The following CCDC134 variants were observed in gnomAD, a reference collection of about 807,000 sequenced individuals.
CCDC134 encodes the protein coiled-coil domain containing 134, also known as coiled-coil domain-containing protein 134.
In CCDC134, 27 loss-of-function variants were observed where a neutral mutation model predicts 25.6. The ratio of observed to expected loss-of-function variants is 1.05; its 90% CI spans 0.78 to 1.45. The LOEUF (loss-of-function observed/expected upper bound fraction) is 1.45, where lower values mean the gene tolerates loss of function less well. CCDC134 is among the 40% of genes most tolerant of loss of function. The probability of loss-of-function intolerance (pLI) is 0.00; values close to 1 mark genes in which losing one functional copy is unlikely to be tolerated. For synonymous variants in CCDC134, 110 were observed against 115.0 expected (o/e 0.96, Z 0.28); for missense variants, 261 against 286.7 (o/e 0.91, Z 0.65).
chr22:41,822,824 C>T (rs60659442), intron 6 of CCDC134, among the ~76,000 whole-genome samples: 9,738 of 152,250 alleles, frequency 0.064, 1,007 homozygotes, highest in African/African-American at 0.22. Flanking sequence ...GCCTGCAAGG[C>T]TAGTCCTAGT....
chr22:41,802,496 A>G (rs562555739), intron 1 of CCDC134, among the ~76,000 whole-genome samples: 1 of 152,312 alleles, frequency 6.6e-6, no homozygotes, highest in Non-Finnish European at 1.5e-5. Flanking sequence ...AGGGAGTATC[A>G]CTTGAGTCCA....
At position 41,826,149 on chromosome 22, in the gene CCDC134, G is replaced by A. The variant is rs971360020; in HGVS notation, c.*326G>A. 4.8e-5 allele frequency: 11 copies of A among 231,184 alleles called. No individual in the cohort carries two copies. The highest frequency in any genetic ancestry group is 8.7e-5 in the Non-Finnish European group (10 of 114,922). 14.3% of individuals were successfully genotyped at this position (231,184 alleles called of 1,614,324 possible). ...GAAGACCTCTGGCCAGCTGGCTTCC[G>A]CCCTTGGTGGGGAAGCAGCAGAACT... On this transcript the variant is annotated 3_prime_UTR_variant, in exon 7 of 7. Transcript: ENST00000255784.
rs1363727046 is a variant in CCDC134, at chr22:41,810,375, T to G, written c.310+84T>G. 3.7e-6 allele frequency: 5 copies of G among 1,346,746 alleles called. No individual in the cohort carries two copies. In the African/African-American group the frequency reaches 5.8e-5, roughly 16 times the overall value. The allele number at this position is 1,346,746 out of a possible 1,614,324, so 83.4% of individuals were successfully genotyped here. A position where few individuals can be genotyped will look rare whatever the true frequency, so the allele number is the denominator to read the frequency against. ...CTTCTCTCCTGTTCTTGTCACTCTT[T>G]TTTTCTCCCCGGAAGTGCCCTCTTG... On this transcript the variant is annotated intron_variant, in intron 4 of 6. Coordinates refer to ENST00000255784, the MANE Select transcript of CCDC134 (RefSeq NM_024821.5).
At chr22:41,819,490 ACATT>A (rs1170160888) in intron 6 of CCDC134, among the ~76,000 whole-genome samples, 1 of 152,198 alleles carries the variant, frequency 6.6e-6, no homozygotes, top group Non-Finnish European at 1.5e-5. Context: ...GATGCATCCC[ACATT>A]CATTCATTCA....
chr22:41,826,533 T>G lies in CCDC134; in HGVS notation c.*710T>G, dbSNP rs2076680119. On this transcript the variant is annotated 3_prime_UTR_variant, in exon 7 of 7. Coordinates refer to ENST00000255784, the MANE Select transcript of CCDC134 (RefSeq NM_024821.5). The stretch of plus-strand genomic sequence containing the variant: ...GGGAAACATTTAGCTCAAGAAGACC[T>G]TGGAGCAACATGATCCCTGTCCTCA... Among the ~76,000 whole-genome samples, 1 of 152,210 alleles carries G rather than the reference T, an allele frequency of 6.6e-6. No individual in the cohort carries two copies. The highest frequency in any genetic ancestry group is 2.1e-4 in the South Asian group (1 of 4,836).
At chr22:41,821,625 C>G (rs1356554145) in intron 6 of CCDC134, among the ~76,000 whole-genome samples, 1 of 151,998 alleles carries the variant, frequency 6.6e-6, no homozygotes, top group Non-Finnish European at 1.5e-5. Context: ...AATGTTAGTC[C>G]CTTGGGAGAG....
chr22:41,805,131 G>A (rs566009005), intron 1 of CCDC134, among the ~76,000 whole-genome samples: 5 of 151,946 alleles, frequency 3.3e-5, no homozygotes, highest in South Asian at 2.1e-4. Flanking sequence ...CCACATTGCC[G>A]TAAGAATACT....
rs1441387011 is a variant in CCDC134 at position 41,827,487 on chromosome 22, A to T, written c.*1664A>T. On this transcript the variant is annotated 3_prime_UTR_variant, in exon 7 of 7. Transcript: ENST00000255784. Reference sequence around the variant, plus strand: ...GCAAAATGCACAAAGCAAGGAAGGAATGAAGGGTTTTACTGAGAATGAAAG... The same window carrying T: ...GCAAAATGCACAAAGCAAGGAAGGATTGAAGGGTTTTACTGAGAATGAAAG... 2.6e-5 allele frequency among the ~76,000 whole-genome samples: 4 copies of T among 152,148 alleles called. No individual in the cohort carries two copies. Among genetic ancestry groups the T allele is most frequent in the African/African-American group, 7.2e-5 (3 of 41,418 alleles).
At chr22:41,823,355 G>T (rs1485328837) in intron 6 of CCDC134, among the ~76,000 whole-genome samples, 1 of 151,066 alleles carries the variant, frequency 6.6e-6, no homozygotes, top group Non-Finnish European at 1.5e-5. Flanking sequence ...CTCCAAAGTA[G>T]CCGGGAATAC....
intron 6 of CCDC134, among the ~76,000 whole-genome samples, chr22:41,823,663 C>T (rs2076662797): frequency 6.6e-6 from 1 of 152,234 alleles, no homozygotes; most frequent in Non-Finnish European, 1.5e-5. Flanking sequence ...AGGGTCCAGC[C>T]TCTCCCAGCA....
chr22:41,813,676 G>T, intron 5 of CCDC134, 75 bp from the exon 6 acceptor site: 1 of 1,484,766 alleles, frequency 6.7e-7, no homozygotes. Flanking sequence ...CTGGGTCCCA[G>T]CATGGAAGGA....
intron 1 of CCDC134, among the ~76,000 whole-genome samples, chr22:41,808,241 A>G (rs970521790): frequency 6.6e-6 from 1 of 152,074 alleles, no homozygotes; most frequent in African/African-American, 2.4e-5. Flanking sequence ...TGTAGTACCT[A>G]TGGTTCCAAA....
intron 6 of CCDC134, among the ~76,000 whole-genome samples, chr22:41,824,335 A>G (rs1347405916): frequency 6.6e-6 from 1 of 152,212 alleles, no homozygotes; most frequent in Non-Finnish European, 1.5e-5. Flanking sequence ...ATCCAAGAAC[A>G]TAAAGGTGGG....
In CCDC134 at chr22:41,825,728, G is replaced by A; in HGVS notation, c.595G>A (p.Ala199Thr). ...TCCCAGCACTGACCCTTTCCAGAAG[G>A]CCCTGAGAGAAGAAGAGAAACGCCG... ...FIPSTDPFQK[A>T]LREEEKRRKK... The change falls in exon 7 of 7, where the codon GCC becomes ACC. Residue 199 changes from alanine (A) to threonine (T), a missense_variant. Ala to Thr is a moderately conservative substitution (Grantham distance 58). Coordinates refer to ENST00000255784, the MANE Select transcript of CCDC134 (RefSeq NM_024821.5). The surrounding 1 kb of genome is among the most constrained non-coding windows in gnomAD (Gnocchi z 4.4). The A allele has an allele frequency of 6.2e-7, 1 of 1,614,100 alleles. No individual in the cohort carries two copies. Among genetic ancestry groups the A allele is most frequent in the Non-Finnish European group, 8.5e-7 (1 of 1,179,996 alleles).
At chr22:41,813,662 G>A in intron 5 of CCDC134, 89 bp from the exon 6 acceptor site, 1 of 1,410,812 alleles carries the variant, frequency 7.1e-7, no homozygotes, top group Admixed American at 1.7e-5. Flanking sequence ...CCCAAGTCAG[G>A]AGTCTGGGTC....
In CCDC134 at chr22:41,825,725, A is replaced by C. The variant is rs763701724; in HGVS notation, c.592A>C (p.Lys198Gln). The change falls in exon 7 of 7, where the codon AAG (lysine) becomes CAG (glutamine). Residue 198 changes from lysine to glutamine, a missense_variant. Coordinates refer to ENST00000255784, the MANE Select transcript of CCDC134 (RefSeq NM_024821.5). This position sits in a 1 kb window ranked among gnomAD's most constrained non-coding sequence, Gnocchi z 4.4. Reference protein sequence around the residue: ...EFIPSTDPFQKALREEEKRRK... With the variant: ...EFIPSTDPFQQALREEEKRRK... ...CATTCCCAGCACTGACCCTTTCCAG[A>C]AGGCCCTGAGAGAAGAAGAGAAACG... is the stretch of plus-strand genomic sequence containing the variant. The C allele has an allele frequency of 6.2e-6, 10 of 1,613,964 alleles. No homozygotes were observed. In the African/African-American group the frequency reaches 1.2e-4, roughly 19 times the overall value.
At chr22:41,819,584 G>A (rs2076638811) in intron 6 of CCDC134, among the ~76,000 whole-genome samples, 1 of 152,172 alleles carries the variant, frequency 6.6e-6, no homozygotes, top group African/African-American at 2.4e-5. Context: ...CATTCTAGTT[G>A]GGGAAGACAG....
At chr22:41,803,452 A>C (rs116346688) in intron 1 of CCDC134, among the ~76,000 whole-genome samples, 2,302 of 152,282 alleles carry the variant, frequency 0.015, 54 homozygotes, top group African/African-American at 0.052. Context: ...AAAAATTTAA[A>C]AAGTAATAGG....
chr22:41,813,723 A>T (rs775997509), intron 5 of CCDC134, 28 bp from the exon 6 acceptor site: 4 of 1,607,448 alleles, frequency 2.5e-6, no homozygotes, highest in Non-Finnish European at 3.4e-6. Flanking sequence ...GAGAAGGCAG[A>T]TGATGACTAG....
Sources: allele counts gnomAD v4.1 joint callset (sites outside exome capture counted in the v4.1 genomes callset), GRCh38; gene constraint gnomAD v4.1.1; non-coding constraint Gnocchi (gnomAD v3.1); transcripts MANE v1.5; gene names NCBI Gene and HGNC (gene_info 2026-07-23, HGNC 2026-07-21).